Variants in NBEA observed in about 807,000 individuals in gnomAD.
NBEA encodes lysosomal-trafficking regulator 2.
Under a neutral mutation model 343.4 loss-of-function variants are expected in NBEA, and 44 were observed. The ratio of observed to expected loss-of-function variants is 0.13; its 90% confidence interval spans 0.10 to 0.16. The LOEUF (loss-of-function observed/expected upper bound fraction) is 0.16, where lower values mean the gene tolerates loss of function less well. Ranked by LOEUF, NBEA falls within the 10% of genes least tolerant of loss-of-function variation. NBEA has a pLI of 1.00. For synonymous variants in NBEA, 1,175 were observed against 1,238.7 expected, an observed-to-expected ratio of 0.95 and a Z score of 1.08; for missense variants, 2,555 against 3,631.3, an observed-to-expected ratio of 0.70 and a Z score of 7.62.
In NBEA at chr13:35,176,981, T is replaced by G. The variant is rs764245449; in HGVS notation, c.4555-15T>G. ...GTAATATATTATCTATTCACAATTC[T>G]TTTTATTTTCAAAGACTCCATTGGA... On this transcript the variant is annotated splice_polypyrimidine_tract_variant and intron_variant, in intron 27 of 58. Coordinates refer to ENST00000379939, the MANE Select transcript of NBEA (RefSeq NM_001385012.1). The G allele has an allele frequency of 1.3e-5, 19 of 1,492,694 alleles. No individual in the cohort carries two copies. Among genetic ancestry groups the G allele is most frequent in the Non-Finnish European group, 1.7e-5 (18 of 1,088,070 alleles). 92.5% of individuals were successfully genotyped at this position (1,492,694 alleles called of 1,614,324 possible). A position where few individuals can be genotyped will look rare whatever the true frequency, so the allele number is the denominator to read the frequency against.
At chr13:35,528,622 A>G (rs1201695275) in intron 41 of NBEA, among the ~76,000 whole-genome samples, 1 of 152,212 alleles carries the variant, frequency 6.6e-6, no homozygotes, top group Non-Finnish European at 1.5e-5. Flanking sequence ...TTGCTTTTAC[A>G]TGCCTGAAAT....
At chr13:35,096,242 G>A (rs904765172) in intron 10 of NBEA, among the ~76,000 whole-genome samples, 2 of 150,578 alleles carry the variant, frequency 1.3e-5, no homozygotes, top group African/African-American at 2.4e-5. Context: ...TATTGCATTG[G>A]GTTTTAGGTA....
chr13:35,667,588 G>C lies in NBEA; in HGVS notation c.8661+18G>C. ...CAACACGGGTAAATCTGCATAGTTC[G>C]TGCTAAGTAGGACTGAAGCCAAGAG... On this transcript the variant is annotated intron_variant, in intron 57 of 58. Transcript: ENST00000379939. The C allele has an allele frequency of 6.2e-7, 1 of 1,607,036 alleles. No individual in the cohort carries two copies. Among genetic ancestry groups the C allele is most frequent in the Non-Finnish European group, 8.5e-7 (1 of 1,173,996 alleles).
At chr13:35,337,174 G>C (rs567551764) in intron 36 of NBEA, among the ~76,000 whole-genome samples, 1 of 152,162 alleles carries the variant, frequency 6.6e-6, no homozygotes, top group Admixed American at 6.6e-5. Flanking sequence ...ATCAGTAATT[G>C]CACTAAATGT....
chr13:35,044,900 T>G, intron 2 of NBEA, 47 bp from the exon 3 acceptor site: 1 of 1,442,052 alleles, frequency 6.9e-7, no homozygotes, highest in Non-Finnish European at 9.6e-7. Flanking sequence ...CCTTGACAGA[T>G]GGCAGCTCAT....
At chr13:35,251,371 A>G (rs762650415) in intron 34 of NBEA, 7 of 1,034,226 alleles carry the variant, frequency 6.8e-6, no homozygotes, top group South Asian at 6.7e-5. Flanking sequence ...GAGGACTCCA[A>G]TGACTGTGTG....
chr13:35,350,728 A>ATGTGTGTG lies in NBEA; in HGVS notation c.6013-1391_6013-1384dup, dbSNP rs34088295. On this transcript the variant is annotated intron_variant, in intron 37 of 58. Coordinates refer to ENST00000379939, the MANE Select transcript of NBEA (RefSeq NM_001385012.1). The stretch of plus-strand genomic sequence containing the variant: ...TCTCCTTTTTGGGTTAGAGCTATTG[A>ATGTGTGTG]TGTGTGTGTGTGTGTGTGTGTGTGT... 1.4e-3 allele frequency among the ~76,000 whole-genome samples: 189 copies of ATGTGTGTG among 137,938 alleles called. 1 individual carries two copies. Among genetic ancestry groups the ATGTGTGTG allele is most frequent in the Admixed American group, 3.3e-3 (44 of 13,526 alleles). The allele number at this position is 137,938 out of a possible 152,430, so 90.5% of individuals were successfully genotyped here.
rs1411571868 is a variant in NBEA, at chr13:35,183,907, A to C, written c.4832-69A>C. ...TTGCAGTAATACAGAATTGTCATGGATCTTCAGTGGACCATGTGGCAGGTT... is the reference window on the plus strand; with the variant it reads ...TTGCAGTAATACAGAATTGTCATGGCTCTTCAGTGGACCATGTGGCAGGTT... On this transcript the variant is annotated intron_variant, in intron 29 of 58. Coordinates refer to ENST00000379939, the MANE Select transcript of NBEA (RefSeq NM_001385012.1). 9 of 1,085,294 alleles carry C rather than the reference A, an allele frequency of 8.3e-6. 1 individual carries two copies. The Admixed American group carries it at 1.8e-4, about 22-fold the overall frequency. 67.2% of individuals were successfully genotyped at this position (1,085,294 alleles called of 1,614,324 possible).
At position 35,196,288 on chromosome 13, in the gene NBEA, T is replaced by C; in HGVS notation, c.5352T>C (p.Phe1784=). The C allele has an allele frequency of 6.2e-7, 1 of 1,612,544 alleles. No individual in the cohort carries two copies. The highest frequency in any genetic ancestry group is 8.5e-7 in the Non-Finnish European group (1 of 1,179,080). The change falls in exon 31 of 59, where the codon TTT becomes TTC. Residue 1784 remains phenylalanine (F), a synonymous_variant. Transcript: ENST00000379939. The stretch of plus-strand genomic sequence containing the variant: ...CACAAGCTATTCTTCCTATGCAGTT[T>C]CATTCCTTTGACAGGTAGGTACTGA... ...RETQAILPMQ[F]HSFDRSVVVP...
At chr13:35,394,185 C>G (rs2042632214) in intron 38 of NBEA, among the ~76,000 whole-genome samples, 1 of 152,138 alleles carries the variant, frequency 6.6e-6, no homozygotes, top group Non-Finnish European at 1.5e-5. Flanking sequence ...ATTAGCCTAT[C>G]TGCACCACGC....
At chr13:35,119,037 G>A (rs2066652915) in intron 16 of NBEA, among the ~76,000 whole-genome samples, 1 of 152,104 alleles carries the variant, frequency 6.6e-6, no homozygotes, top group Non-Finnish European at 1.5e-5. Context: ...TATTAAAGAT[G>A]ATGACTTGAG....
chr13:35,094,657 A>G (rs2065244400), intron 10 of NBEA, among the ~76,000 whole-genome samples: 1 of 151,994 alleles, frequency 6.6e-6, no homozygotes, highest in Admixed American at 6.6e-5. Context: ...CAGTGAAATC[A>G]ATTATTTCTG....
intron 49 of NBEA, among the ~76,000 whole-genome samples, chr13:35,634,267 C>T (rs898246414): frequency 3.3e-5 from 5 of 152,058 alleles, no homozygotes; most frequent in Non-Finnish European, 5.9e-5. Context: ...GGTGTGAACC[C>T]GGGAGGCGCA....
At chr13:35,478,528 C>T (rs1178344411) in intron 41 of NBEA, among the ~76,000 whole-genome samples, 2 of 152,264 alleles carry the variant, frequency 1.3e-5, no homozygotes, top group African/African-American at 4.8e-5. Flanking sequence ...CCGCCTCTCT[C>T]TCGCTGCTCC....
chr13:35,304,187 A>G (rs920938646), intron 35 of NBEA, among the ~76,000 whole-genome samples: 1 of 152,084 alleles, frequency 6.6e-6, no homozygotes, highest in South Asian at 2.1e-4. Context: ...TTCCTCTCTA[A>G]TAGTGACTCT....
intron 6 of NBEA, among the ~76,000 whole-genome samples, chr13:35,052,139 G>T (rs2063085513): frequency 6.6e-6 from 1 of 151,970 alleles, no homozygotes. Context: ...ACCTTGAAAA[G>T]TCATAAATAT....
At position 35,554,344 on chromosome 13, in the gene NBEA, CA is replaced by C. The variant is rs199783774; in HGVS notation, c.6807-641del. 8.3e-3 allele frequency among the ~76,000 whole-genome samples: 1,266 copies of C among 152,280 alleles called. 15 individuals carry two copies. Among genetic ancestry groups the C allele is most frequent in the African/African-American group, 0.028 (1,143 of 41,554 alleles). On this transcript the variant is annotated intron_variant, in intron 43 of 58. Coordinates refer to ENST00000379939, the MANE Select transcript of NBEA (RefSeq NM_001385012.1). The stretch of plus-strand genomic sequence containing the variant: ...TAGCTTTATCATACTTTTCTAAATA[CA>C]ACTGCTTTTGTTATTTTTAGATGAA...
chr13:35,395,222 C>G (rs983000968), intron 38 of NBEA, among the ~76,000 whole-genome samples: 2 of 151,616 alleles, frequency 1.3e-5, no homozygotes, highest in Admixed American at 6.6e-5. Flanking sequence ...CTGCCCAAAT[C>G]TAATGTTGAA....
At chr13:35,642,277 CATA>C (rs1391608122) in intron 49 of NBEA, among the ~76,000 whole-genome samples, 8 of 152,106 alleles carry the variant, frequency 5.3e-5, no homozygotes, top group Non-Finnish European at 1.0e-4. Flanking sequence ...ACTCCAAAAT[CATA>C]ATGTGTCTTA....
Sources: allele counts gnomAD v4.1 joint callset (sites outside exome capture counted in the v4.1 genomes callset), GRCh38; gene constraint gnomAD v4.1.1; transcripts MANE v1.5; gene names NCBI Gene and HGNC (gene_info 2026-07-23, HGNC 2026-07-21).